Variants in CAMK1D observed in about 807,000 individuals in gnomAD.
The protein encoded by CAMK1D is calcium/calmodulin dependent protein kinase ID.
In CAMK1D, 9 loss-of-function variants were observed where a neutral mutation model predicts 47.7. That is an observed-to-expected ratio of 0.19 (90% CI 0.11 to 0.33). The LOEUF is 0.33. Ranked by LOEUF, CAMK1D falls within the 10% of genes least tolerant of loss-of-function variation. CAMK1D has a pLI of 1.00. For synonymous variants in CAMK1D, 184 were observed against 184.9 expected (o/e 0.99, Z 0.04); for missense variants, 291 against 488.7 (o/e 0.60, Z 3.81).
intron 1 of CAMK1D, among the ~76,000 whole-genome samples, chr10:12,466,187 C>G (rs1464405366): frequency 6.6e-6 from 1 of 152,026 alleles, no homozygotes; most frequent in East Asian, 1.9e-4. Context: ...GCGGGCAGAT[C>G]ACGAGGTCAG....
intron 1 of CAMK1D, among the ~76,000 whole-genome samples, chr10:12,439,898 G>A (rs10906149): frequency 0.079 from 12,091 of 152,190 alleles, 608 homozygotes; most frequent in East Asian, 0.15. Context: ...CTTACATGGC[G>A]GCAGGCAAGA....
chr10:12,473,874 G>A (rs1054137862), intron 1 of CAMK1D, among the ~76,000 whole-genome samples: 19 of 152,186 alleles, frequency 1.2e-4, no homozygotes, highest in African/African-American at 4.6e-4. Flanking sequence ...GAAGTCCTCT[G>A]CAGTTTTTGT....
chr10:12,679,799 C>T (rs563752704), intron 3 of CAMK1D, among the ~76,000 whole-genome samples: 3 of 152,300 alleles, frequency 2.0e-5, no homozygotes, highest in South Asian at 4.1e-4. Flanking sequence ...TACCCATCTG[C>T]CTGGAGCACA....
At chr10:12,381,674 G>A (rs1186237235) in intron 1 of CAMK1D, among the ~76,000 whole-genome samples, 4 of 152,116 alleles carry the variant, frequency 2.6e-5, no homozygotes, top group Non-Finnish European at 4.4e-5. Context: ...GAGAATTGAC[G>A]ATACAGTCTG....
chr10:12,636,565 C>T (rs1366550169), intron 2 of CAMK1D, among the ~76,000 whole-genome samples: 1 of 152,128 alleles, frequency 6.6e-6, no homozygotes, highest in Non-Finnish European at 1.5e-5. Flanking sequence ...TGGGATCAAG[C>T]GTTTCTCCCA....
At chr10:12,389,131 G>T (rs776257370) in intron 1 of CAMK1D, among the ~76,000 whole-genome samples, 2 of 152,152 alleles carry the variant, frequency 1.3e-5, no homozygotes, top group African/African-American at 2.4e-5. Context: ...CTAATTATTT[G>T]GGTTTCTGGT....
chr10:12,663,616 G>A (rs1840342500), intron 2 of CAMK1D, among the ~76,000 whole-genome samples: 1 of 152,112 alleles, frequency 6.6e-6, no homozygotes, highest in Non-Finnish European at 1.5e-5. Context: ...CCTTTCTTGT[G>A]TCTCGTTCTC....
chr10:12,380,381 G>A (rs974633701), intron 1 of CAMK1D, among the ~76,000 whole-genome samples: 2 of 152,094 alleles, frequency 1.3e-5, no homozygotes, highest in Non-Finnish European at 2.9e-5. Context: ...CAAGGAATTC[G>A]TCACACTTGG....
chr10:12,791,376 G>A lies in CAMK1D; in HGVS notation c.641+143G>A, dbSNP rs149673494. 3.3e-4 allele frequency: 215 copies of A among 654,884 alleles called. 1 individual carries two copies. The highest frequency in any genetic ancestry group is 3.0e-3 in the African/African-American group (167 of 55,234). 40.6% of individuals were successfully genotyped at this position (654,884 alleles called of 1,614,324 possible). ...CCATGTTTAAGGGTACAGTTCAGTG[G>A]CATTAAGTCCATTCACAGTGTTGCA... On this transcript the variant is annotated intron_variant, in intron 6 of 10. Transcript: ENST00000619168.
chr10:12,417,765 G>C (rs983407972), intron 1 of CAMK1D, among the ~76,000 whole-genome samples: 23 of 152,068 alleles, frequency 1.5e-4, no homozygotes, highest in East Asian at 1.2e-3. Flanking sequence ...ATGGGTAGTG[G>C]GCATCTCTAT....
At chr10:12,705,795 G>A (rs1353183023) in intron 3 of CAMK1D, among the ~76,000 whole-genome samples, 1 of 152,218 alleles carries the variant, frequency 6.6e-6, no homozygotes, top group Admixed American at 6.5e-5. Flanking sequence ...TAGTCTAAGA[G>A]GAGCAATATC....
intron 1 of CAMK1D, among the ~76,000 whole-genome samples, chr10:12,429,871 G>A (rs974978171): frequency 2.6e-5 from 4 of 152,114 alleles, no homozygotes; most frequent in African/African-American, 7.2e-5. Flanking sequence ...CCGAGGATGC[G>A]TGAATGTTTG....
chr10:12,370,871 G>A (rs190329946), intron 1 of CAMK1D, among the ~76,000 whole-genome samples: 40 of 152,242 alleles, frequency 2.6e-4, no homozygotes, highest in Admixed American at 1.5e-3. Flanking sequence ...GCCTCCCAAA[G>A]TGCTGGGATT....
chr10:12,717,597 A>G (rs181497711), intron 3 of CAMK1D, among the ~76,000 whole-genome samples: 29 of 152,188 alleles, frequency 1.9e-4, no homozygotes, highest in African/African-American at 6.7e-4. Context: ...AAGTAAAAAA[A>G]AAAAATAGCC....
At chr10:12,515,430 C>CTTTTTTTTTTTTTTTTTTTTTTTTTT (rs55728182) in intron 1 of CAMK1D, among the ~76,000 whole-genome samples, 1 of 92,262 alleles carries the variant, frequency 1.1e-5, no homozygotes, top group Admixed American at 1.2e-4. Context: ...TTTTTTTTTT[C>CTTTTTTTTTTTTTTTTTTTTTTTTTT]ATTATACTTT....
At chr10:12,668,015 G>T (rs1840486706) in intron 3 of CAMK1D, among the ~76,000 whole-genome samples, 3 of 152,148 alleles carry the variant, frequency 2.0e-5, no homozygotes, top group African/African-American at 7.2e-5. Flanking sequence ...GTATGTTATA[G>T]TCAGCCATGG....
chr10:12,387,397 T>TTTTATATATTATATATATTTTATATA (rs1554763255), intron 1 of CAMK1D, among the ~76,000 whole-genome samples: 28 of 83,724 alleles, frequency 3.3e-4, no homozygotes, highest in African/African-American at 8.6e-4. Context: ...ATATTATATA[T>TTTTATATATTATATATATTTTATATA]TTTTATATAT....
intron 3 of CAMK1D, among the ~76,000 whole-genome samples, chr10:12,722,852 T>C (rs1312521756): frequency 1.3e-5 from 2 of 152,250 alleles, no homozygotes; most frequent in Non-Finnish European, 2.9e-5. Flanking sequence ...GAGTGAGAAG[T>C]AGAAGAGAGT....
chr10:12,753,546 T>C (rs1018290448), intron 3 of CAMK1D, among the ~76,000 whole-genome samples: 2 of 152,232 alleles, frequency 1.3e-5, no homozygotes, highest in Non-Finnish European at 2.9e-5. Context: ...GAGATTTTTT[T>C]CCAAATACCA....
Sources: allele counts gnomAD v4.1 joint callset (sites outside exome capture counted in the v4.1 genomes callset), GRCh38; gene constraint gnomAD v4.1.1; transcripts MANE v1.5; gene names NCBI Gene and HGNC (gene_info 2026-07-23, HGNC 2026-07-21).